PC: variants seen among roughly 807,000 people sequenced by gnomAD.
The protein encoded by PC is pyruvate carboxylase, also known as pyruvate carboxylase, mitochondrial.
In PC, 46 loss-of-function variants were observed where a neutral mutation model predicts 107.8. The observed-to-expected ratio is 0.43, with a 90% CI of 0.34 to 0.55. PC has a LOEUF of 0.55. PC is among the 20% of genes least tolerant of loss of function. The pLI is 0.04. For synonymous variants in PC, 662 were observed against 684.7 expected (o/e 0.97, Z 0.52); for missense variants, 1,241 against 1,643.1 (o/e 0.76, Z 4.23).
In PC at chr11:66,852,486, T is replaced by A. The variant is rs1398775881; in HGVS notation, c.1778A>T (p.Tyr593Phe). Residue 593 changes from tyrosine (Y) to phenylalanine (F), a missense_variant, in exon 15 of 23, where the codon TAT (tyrosine) becomes TTT (phenylalanine). Tyr to Phe is a conservative substitution (Grantham distance 22). Around this residue, in one of 2 missense-constraint regions of PC, gnomAD observed 1,143 missense variants for 1,551.9 expected, o/e 0.74. Transcript: ENST00000393960. The surrounding 1 kb of genome is among the most constrained non-coding windows in gnomAD (Gnocchi z 4.7). Reference sequence around the variant, plus strand: ...GAGCTTGCTGAAGTTGTGGGCAACATAGGGGGCGATCTTTTTGAGATCGTG... The same window carrying A: ...GAGCTTGCTGAAGTTGTGGGCAACAAAGGGGGCGATCTTTTTGAGATCGTG... ...RTHDLKKIAPYVAHNFSKLFS... is the reference protein window; with the variant it reads ...RTHDLKKIAPFVAHNFSKLFS... 3.7e-6 allele frequency: 6 copies of A among 1,613,898 alleles called. No individual in the cohort carries two copies. Among genetic ancestry groups the A allele is most frequent in the Non-Finnish European group, 4.2e-6 (5 of 1,179,952 alleles).
intron 3 of PC, among the ~76,000 whole-genome samples, chr11:66,874,117 G>A (rs1200828075): frequency 2.0e-5 from 3 of 152,046 alleles, no homozygotes; most frequent in Non-Finnish European, 2.9e-5. Context: ...CCGCCACCAC[G>A]CCCAGCTAAT....
intron 3 of PC, among the ~76,000 whole-genome samples, chr11:66,896,638 A>C (rs141409185): frequency 5.6e-4 from 85 of 152,352 alleles, no homozygotes; most frequent in African/African-American, 1.9e-3. Context: ...AGGAAAATGA[A>C]GCCTCACTCT....
chr11:66,864,038 T>A, intron 11 of PC, 82 bp from the exon 12 acceptor site: 4 of 1,386,368 alleles, frequency 2.9e-6, no homozygotes, highest in Non-Finnish European at 4.1e-6. Flanking sequence ...TGGCCAGGTG[T>A]GCACCCAGCA....
At position 66,851,787 on chromosome 11, in the gene PC, C is replaced by T. The variant is rs1945508260; in HGVS notation, c.1982+3G>A. 1.2e-6 allele frequency: 2 copies of T among 1,614,150 alleles called. No individual in the cohort carries two copies. The highest frequency in any genetic ancestry group is 1.3e-5 in the African/African-American group (1 of 75,052). The stretch of plus-strand genomic sequence containing the variant: ...GCGTCTGCCCACCCCACCCCAGGCT[C>T]ACTTGAAGACCACGTTGTCTGGGTA... On this transcript the variant is annotated splice_donor_region_variant and intron_variant, in intron 16 of 22. Transcript: ENST00000393960.
Position 66,926,865 on chromosome 11 carries a change from A to G in PC, c.-1+25565T>C, listed in dbSNP as rs150650130. ...AGCACAATGTTTTCATGGTTCATCC[A>G]TGTCGTAGCATGTGTCAGAACTTCA... On this transcript the variant is annotated intron_variant, in intron 3 of 22. Transcript: ENST00000393960. Among the ~76,000 whole-genome samples the G allele has an allele frequency of 7.2e-5, 11 of 152,122 alleles. No homozygotes were observed. In the East Asian group the frequency reaches 1.8e-3, roughly 24 times the overall value.
chr11:66,903,826 AT>A (rs1168472165), intron 3 of PC, among the ~76,000 whole-genome samples: 195 of 131,918 alleles, frequency 1.5e-3, no homozygotes, highest in Middle Eastern at 0.012. Flanking sequence ...ACATATATAC[AT>A]TTTTTTTTTT....
At chr11:66,867,184 G>C (rs1296882715) in intron 10 of PC, among the ~76,000 whole-genome samples, 1 of 152,194 alleles carries the variant, frequency 6.6e-6, no homozygotes, top group Non-Finnish European at 1.5e-5. Context: ...CCAGGAGTTC[G>C]AGACTAGCCT....
rs768324552 is a variant in PC, at chr11:66,851,136, G to A, written c.2127C>T (p.Asp709=). ...ACTTGGTGCGGCTGGGGTCGGCCAC[G>A]TCGCCCGTGTATGAGATGGCAGCCT... ...VVEAAISYTG[D]VADPSRTKYS... Residue 709 remains aspartate (D), a synonymous_variant, in exon 17 of 23, where the codon GAC becomes GAT. Transcript: ENST00000393960. The A allele has an allele frequency of 2.3e-5, 37 of 1,612,472 alleles. No individual in the cohort carries two copies. The highest frequency in any genetic ancestry group is 3.3e-5 in the South Asian group (3 of 91,096).
intron 3 of PC, among the ~76,000 whole-genome samples, chr11:66,912,775 G>A (rs1386703788): frequency 1.3e-5 from 2 of 152,290 alleles, no homozygotes; most frequent in South Asian, 2.1e-4. Context: ...GGAAGAGGAC[G>A]GCAAATACTA....
intron 10 of PC, among the ~76,000 whole-genome samples, chr11:66,868,274 C>T (rs530307811): frequency 2.0e-5 from 3 of 152,290 alleles, no homozygotes; most frequent in African/African-American, 7.2e-5. Context: ...GCCTAACAAT[C>T]GAGGACTATG....
At chr11:66,854,397 G>C (rs1415565553) in intron 12 of PC, among the ~76,000 whole-genome samples, 1 of 152,130 alleles carries the variant, frequency 6.6e-6, no homozygotes, top group Non-Finnish European at 1.5e-5. Context: ...CACACCCATC[G>C]GCTTCATCCT....
intron 3 of PC, among the ~76,000 whole-genome samples, chr11:66,918,595 A>C: frequency 6.6e-6 from 1 of 151,048 alleles, no homozygotes; most frequent in Non-Finnish European, 1.5e-5. Flanking sequence ...ATGGTCTCGA[A>C]CTCCTGAGCT....
At position 66,850,124 on chromosome 11, in the gene PC, G is replaced by A. The variant is rs761468416; in HGVS notation, c.2719-8C>T. On this transcript the variant is annotated splice_polypyrimidine_tract_variant and splice_region_variant and intron_variant, in intron 19 of 22. Transcript: ENST00000393960. ...CTTGGAGGAGGGCGTCACCTGAGGA[G>A]AAGGCCCTGGAGGTTAGGGTGCCAG... is the stretch of plus-strand genomic sequence containing the variant. 6.2e-7 allele frequency: 1 copy of A among 1,613,832 alleles called. No individual in the cohort carries two copies. Among genetic ancestry groups the A allele is most frequent in the South Asian group, 1.1e-5 (1 of 91,084 alleles).
At position 66,866,694 on chromosome 11, in the gene PC, T is replaced by A. The variant is rs377668351; in HGVS notation, c.1023-345A>T. ...TGCCTCCTCCTTCCTTGAGGTCTGT[T>A]TTCCCCACTCCCCTAAACTCCCCCT... On this transcript the variant is annotated intron_variant, in intron 10 of 22. Transcript: ENST00000393960. This position sits in a 1 kb window ranked among gnomAD's most constrained non-coding sequence, Gnocchi z 5.4. Among the ~76,000 whole-genome samples, 101 of 152,284 alleles carry A rather than the reference T, an allele frequency of 6.6e-4. 1 individual carries two copies. The South Asian group carries it at 0.021, about 31-fold the overall frequency.
chr11:66,858,530 C>T lies in PC; in HGVS notation c.1369-5147G>A. ...TGGAAACGTGCGCCTCCCCGCCCGGCCTGGCCGGCCGCTACTTCTGGGCAG... is the reference window on the plus strand; with the variant it reads ...TGGAAACGTGCGCCTCCCCGCCCGGTCTGGCCGGCCGCTACTTCTGGGCAG... On this transcript the variant is annotated intron_variant, in intron 12 of 22. Coordinates refer to ENST00000393960, the MANE Select transcript of PC (RefSeq NM_001040716.2). This position sits in a 1 kb window ranked among gnomAD's most constrained non-coding sequence, Gnocchi z 5.9. The T allele has an allele frequency of 6.5e-7, 1 of 1,533,828 alleles. No homozygotes were observed. The highest frequency in any genetic ancestry group is 1.4e-5 in the African/African-American group (1 of 73,074).
chr11:66,864,417 G>A (rs1946406932), intron 11 of PC, among the ~76,000 whole-genome samples: 1 of 152,282 alleles, frequency 6.6e-6, no homozygotes, highest in African/African-American at 2.4e-5. Context: ...GGGGACGGCA[G>A]GCCGGCGACA....
In PC at chr11:66,879,166, G is replaced by A. The variant is rs1235690674; in HGVS notation, c.1-7007C>T. On this transcript the variant is annotated intron_variant, in intron 3 of 22. Transcript: ENST00000393960. ...ACTTGCGCCCTCCCACTCGCACCAT[G>A]ATGCAGCTCCATGCTGACCTCCCCA... Among the ~76,000 whole-genome samples, 3 of 152,160 alleles carry A rather than the reference G, an allele frequency of 2.0e-5. No individual in the cohort carries two copies. In the East Asian group the frequency reaches 5.8e-4, roughly 29 times the overall value.
At position 66,858,566 on chromosome 11, in the gene PC, C is replaced by T. The variant is rs762991561; in HGVS notation, c.1369-5183G>A. The T allele has an allele frequency of 8.5e-6, 13 of 1,532,758 alleles. No individual in the cohort carries two copies. Among genetic ancestry groups the T allele is most frequent in the African/African-American group, 1.4e-5 (1 of 73,038 alleles). 94.9% of individuals were successfully genotyped at this position (1,532,758 alleles called of 1,614,324 possible). On this transcript the variant is annotated intron_variant, in intron 12 of 22. Transcript: ENST00000393960. This position sits in a 1 kb window ranked among gnomAD's most constrained non-coding sequence, Gnocchi z 5.9. Reference sequence around the variant, plus strand: ...GCTACTTCTGGGCAGTGCCCGAGGGCGAGTTCTCCTGTGAGCCGCCCCTCA... The same window carrying T: ...GCTACTTCTGGGCAGTGCCCGAGGGTGAGTTCTCCTGTGAGCCGCCCCTCA...
In PC at chr11:66,927,183, T is replaced by C. The variant is rs187399496; in HGVS notation, c.-1+25247A>G. On this transcript the variant is annotated intron_variant, in intron 3 of 22. Transcript: ENST00000393960. ...ATTTTTTTTTGTATTTGAATAACGCTGCTGTGAACGCTCACACATATATTA... is the reference window on the plus strand; with the variant it reads ...ATTTTTTTTTGTATTTGAATAACGCCGCTGTGAACGCTCACACATATATTA... Among the ~76,000 whole-genome samples the C allele has an allele frequency of 1.9e-4, 25 of 131,050 alleles. No homozygotes were observed. The East Asian group carries it at 5.4e-3, about 28-fold the overall frequency. The allele number at this position is 131,050 out of a possible 152,430, so 86.0% of individuals were successfully genotyped here.
Sources: gnomAD v4.1 joint callset for allele counts (sites outside exome capture counted in the v4.1 genomes callset) on GRCh38, gnomAD v4.1.1 for gene constraint, gnomAD v4.1.1 regional missense constraint, Gnocchi (gnomAD v3.1) non-coding constraint, MANE v1.5 for transcripts, NCBI Gene and HGNC (gene_info 2026-07-23, HGNC 2026-07-21) for gene names.